SNRK: variants seen among roughly 807,000 people sequenced by gnomAD.
SNRK encodes the protein SNF-related serine/threonine-protein kinase.
Under a neutral mutation model 48.2 loss-of-function variants are expected in SNRK, and 3 were observed. The observed-to-expected ratio is 0.06, with a 90% CI of 0.03 to 0.16. The LOEUF (loss-of-function observed/expected upper bound fraction) is 0.16. Ranked by LOEUF, SNRK falls within the 10% of genes least tolerant of loss-of-function variation. SNRK has a pLI of 1.00. For synonymous variants in SNRK, 376 were observed against 366.1 expected (o/e 1.03, Z -0.31); for missense variants, 627 against 976.0 (o/e 0.64, Z 4.76).
At chr3:43,311,192 C>T (rs1263655641) in intron 3 of SNRK, among the ~76,000 whole-genome samples, 1 of 152,120 alleles carries the variant, frequency 6.6e-6, no homozygotes, top group African/African-American at 2.4e-5. Flanking sequence ...CTACAGAAAA[C>T]CTGGAACACA....
intron 3 of SNRK, among the ~76,000 whole-genome samples, chr3:43,317,345 G>T (rs1238142314): frequency 2.0e-5 from 3 of 152,184 alleles, no homozygotes; most frequent in African/African-American, 7.2e-5. Context: ...CTGGGGCTTT[G>T]TGCAAGAGTA....
intron 3 of SNRK, among the ~76,000 whole-genome samples, chr3:43,327,504 TAAAAG>T (rs780530822): frequency 2.6e-5 from 4 of 152,212 alleles, no homozygotes; most frequent in Admixed American, 6.5e-5. Context: ...GCTATACTGA[TAAAAG>T]AAAGCTGATA....
chr3:43,343,489 A>C lies in SNRK; in HGVS notation c.1079+11A>C. The C allele has an allele frequency of 1.2e-6, 2 of 1,606,652 alleles. No homozygotes were observed. Among genetic ancestry groups the C allele is most frequent in the South Asian group, 2.2e-5 (2 of 89,304 alleles). On this transcript the variant is annotated intron_variant, in intron 6 of 6. Transcript: ENST00000296088. ...CAAGGCCCAGTTTAGGTGAGAAAAA[A>C]ATCTTCACTGATTTTAGTAAGTTTA...
At chr3:43,331,623 A>G (rs1355670013) in intron 3 of SNRK, among the ~76,000 whole-genome samples, 3 of 152,186 alleles carry the variant, frequency 2.0e-5, no homozygotes, top group East Asian at 1.9e-4. Flanking sequence ...CTGGAGTAAT[A>G]TATAACCAGT....
intron 3 of SNRK, among the ~76,000 whole-genome samples, chr3:43,309,293 A>G (rs967233078): frequency 6.6e-6 from 1 of 152,204 alleles, no homozygotes; most frequent in Non-Finnish European, 1.5e-5. Context: ...ACTATTATGT[A>G]AACTTACATA....
intron 3 of SNRK, among the ~76,000 whole-genome samples, chr3:43,325,612 A>G (rs926629603): frequency 1.3e-5 from 2 of 152,226 alleles, no homozygotes; most frequent in Admixed American, 6.5e-5. Context: ...GACTGACTAG[A>G]CAAATAGAAT....
At chr3:43,292,370 A>G (rs1324845543) in intron 1 of SNRK, among the ~76,000 whole-genome samples, 1 of 152,204 alleles carries the variant, frequency 6.6e-6, no homozygotes, top group Non-Finnish European at 1.5e-5. Flanking sequence ...TTCCTCTTTC[A>G]TTGAGGCTCT....
chr3:43,324,792 G>A (rs1005635724), intron 3 of SNRK, among the ~76,000 whole-genome samples: 2 of 152,140 alleles, frequency 1.3e-5, no homozygotes, highest in African/African-American at 2.4e-5. Flanking sequence ...TAGGTGTTAT[G>A]CATGGAGAAC....
intron 3 of SNRK, among the ~76,000 whole-genome samples, chr3:43,318,385 T>C (rs2091028528): frequency 6.6e-6 from 1 of 152,170 alleles, no homozygotes; most frequent in Admixed American, 6.5e-5. Flanking sequence ...TGGTGTTTAT[T>C]TGATAGCAGG....
In SNRK at chr3:43,348,121, G is replaced by A. The variant is rs777782793; in HGVS notation, c.1862G>A (p.Gly621Asp). 6.3e-7 allele frequency: 1 copy of A among 1,585,622 alleles called. No homozygotes were observed. Among genetic ancestry groups the A allele is most frequent in the Admixed American group, 1.8e-5 (1 of 56,960 alleles). Residue 621 changes from glycine (G) to aspartate (D), a missense_variant, in exon 7 of 7, where the codon GGT becomes GAT. Physicochemically the swap from Gly to Asp is moderately conservative, Grantham distance 94. Transcript: ENST00000296088. Reference protein sequence around the residue: ...GSGGNPTNTSGTTRRCAGPSN... With the variant: ...GSGGNPTNTSDTTRRCAGPSN... ...GGTGGCAACCCCACCAATACATCGG[G>A]TACCACACGCCGCTGTGCCGGCCCC...
intron 3 of SNRK, among the ~76,000 whole-genome samples, chr3:43,325,144 A>G (rs376044708): frequency 6.6e-6 from 1 of 152,122 alleles, no homozygotes; most frequent in Non-Finnish European, 1.5e-5. Context: ...TCAGCCTCAC[A>G]CAAAAGACTG....
chr3:43,338,729 C>A (rs980963572), intron 4 of SNRK, among the ~76,000 whole-genome samples: 1 of 144,188 alleles, frequency 6.9e-6, no homozygotes, highest in African/African-American at 2.9e-5. Context: ...TACATTAATT[C>A]TGTGTCTTTT....
rs747341844 is a variant in SNRK at position 43,348,222 on chromosome 3, G to A, written c.1963G>A (p.Gly655Ser). The A allele has an allele frequency of 3.8e-5, 61 of 1,611,688 alleles. No homozygotes were observed. The highest frequency in any genetic ancestry group is 4.6e-5 in the Non-Finnish European group (54 of 1,178,948). Reference sequence around the variant, plus strand: ...CCTCAAACTCATGAGCCTCTGCCTCGGCTCCCAGCTTCATGGGAGCACCAA... The same window carrying A: ...CCTCAAACTCATGAGCCTCTGCCTCAGCTCCCAGCTTCATGGGAGCACCAA... Reference protein sequence around the residue: ...ESLKLMSLCLGSQLHGSTKYI... With the variant: ...ESLKLMSLCLSSQLHGSTKYI... The change falls in exon 7 of 7, where the codon GGC (glycine) becomes AGC (serine). Residue 655 changes from glycine (G) to serine (S), a missense_variant. Gly to Ser is a moderately conservative substitution (Grantham distance 56). Coordinates refer to ENST00000296088, the MANE Select transcript of SNRK (RefSeq NM_017719.5).
intron 1 of SNRK, chr3:43,289,682 T>A (rs2090794981): frequency 1.3e-5 from 2 of 152,710 alleles, no homozygotes; most frequent in African/African-American, 2.4e-5. Context: ...GGAACCTGTC[T>A]AAAGAGGATT....
Position 43,303,185 on chromosome 3 carries a change from T to G in SNRK, c.-19T>G. 1 of 1,575,022 alleles carries G rather than the reference T, an allele frequency of 6.3e-7. No individual in the cohort carries two copies. Among genetic ancestry groups the G allele is most frequent in the South Asian group, 1.1e-5 (1 of 88,414 alleles). ...TCTATTTTAAACAGTCTAAATATTTTTTCTTCTGTTGGACCAGCATGGCAG... is the reference window on the plus strand; with the variant it reads ...TCTATTTTAAACAGTCTAAATATTTGTTCTTCTGTTGGACCAGCATGGCAG... On this transcript the variant is annotated 5_prime_UTR_variant, in exon 3 of 7. Coordinates refer to ENST00000296088, the MANE Select transcript of SNRK (RefSeq NM_017719.5). The surrounding 1 kb of genome is among the most constrained non-coding windows in gnomAD (Gnocchi z 6.2).
chr3:43,306,234 TA>T (rs1430892079), intron 3 of SNRK, among the ~76,000 whole-genome samples: 1 of 131,750 alleles, frequency 7.6e-6, no homozygotes, highest in African/African-American at 2.9e-5. Flanking sequence ...TTGCTATTTT[TA>T]AAAAAAAGGA....
chr3:43,323,133 A>G (rs994980875), intron 3 of SNRK, among the ~76,000 whole-genome samples: 2 of 152,128 alleles, frequency 1.3e-5, no homozygotes, highest in African/African-American at 4.8e-5. Flanking sequence ...TTGGATATCC[A>G]TATGCAATAA....
intron 1 of SNRK, among the ~76,000 whole-genome samples, chr3:43,298,173 G>A (rs1221118592): frequency 6.6e-6 from 1 of 152,126 alleles, no homozygotes; most frequent in Non-Finnish European, 1.5e-5. Context: ...ATTTTCTAAT[G>A]AAGAAACTGA....
At position 43,296,321 on chromosome 3, in the gene SNRK, A is replaced by G. The variant is rs1346932463; in HGVS notation, c.-168-3433A>G. ...TTTCTTGGTATGTGTAAAATATACC[A>G]GATAATTTATATGTATGAGAAGCTT... On this transcript the variant is annotated intron_variant, in intron 1 of 6. Transcript: ENST00000296088. 2.0e-5 allele frequency among the ~76,000 whole-genome samples: 3 copies of G among 150,972 alleles called. No homozygotes were observed. In the East Asian group the frequency reaches 5.8e-4, roughly 29 times the overall value.
Sources: gnomAD v4.1 joint callset for allele counts (sites outside exome capture counted in the v4.1 genomes callset) on GRCh38, gnomAD v4.1.1 for gene constraint, Gnocchi (gnomAD v3.1) non-coding constraint, MANE v1.5 for transcripts, NCBI Gene and HGNC (gene_info 2026-07-23, HGNC 2026-07-21) for gene names.